Variants in GABRA3 observed in about 807,000 individuals in gnomAD.
GABRA3 encodes gamma-aminobutyric acid receptor subunit alpha-3.
Under a neutral mutation model 30.1 loss-of-function variants are expected in GABRA3, and 10 were observed. That is an observed-to-expected ratio of 0.33 (90% CI 0.20 to 0.56). The LOEUF is 0.56. Among genes scored for constraint, GABRA3 ranks in the 20% least tolerant of loss-of-function variants. GABRA3 has a pLI of 0.89. For synonymous variants in GABRA3, 151 were observed against 146.8 expected, an observed-to-expected ratio of 1.03 and a Z score of -0.21; for missense variants, 233 against 392.0, an observed-to-expected ratio of 0.59 and a Z score of 3.42.
At chrX:152,312,860 A>G (rs769706894) in intron 3 of GABRA3, among the ~76,000 whole-genome samples, 2 of 111,963 alleles carry the variant, frequency 1.8e-5, no homozygotes, top group Admixed American at 9.5e-5. Flanking sequence ...CATACATGCA[A>G]CCAACAGGCA....
chrX:152,223,121 G>A (rs999425606), intron 6 of GABRA3, among the ~76,000 whole-genome samples: 1 of 111,648 alleles, frequency 9.0e-6, no homozygotes. Flanking sequence ...TCCAAGGCCA[G>A]AACTGGCAAA....
At chrX:152,281,788 A>T (rs1206602419) in intron 4 of GABRA3, among the ~76,000 whole-genome samples, 1 of 112,110 alleles carries the variant, frequency 8.9e-6, no homozygotes, top group Non-Finnish European at 1.9e-5. Flanking sequence ...ATCTCAACAA[A>T]CACATACAGA....
intron 9 of GABRA3, among the ~76,000 whole-genome samples, chrX:152,176,915 A>C (rs1937082100): frequency 9.0e-6 from 1 of 111,624 alleles, no homozygotes; most frequent in Admixed American, 9.6e-5. Flanking sequence ...TGCAGATCTG[A>C]CTGAGCTGCC....
intron 9 of GABRA3, among the ~76,000 whole-genome samples, chrX:152,170,202 G>A (rs1936985948): frequency 1.8e-5 from 2 of 112,629 alleles, no homozygotes; most frequent in African/African-American, 6.5e-5. Context: ...TCAAAGGAGG[G>A]ACAAAGTACC....
At chrX:152,247,306 C>T (rs1004590892) in intron 5 of GABRA3, among the ~76,000 whole-genome samples, 6 of 111,525 alleles carry the variant, frequency 5.4e-5, no homozygotes, top group African/African-American at 2.0e-4. Context: ...ACATTTTGTG[C>T]AATGTATTCA....
At chrX:152,409,185 T>A (rs1435295486) in intron 1 of GABRA3, among the ~76,000 whole-genome samples, 1 of 110,674 alleles carries the variant, frequency 9.0e-6, no homozygotes, top group African/African-American at 3.3e-5. Flanking sequence ...AGACCCAATC[T>A]CTACAAAAAA....
chrX:152,377,281 A>G (rs960711992), intron 1 of GABRA3, among the ~76,000 whole-genome samples: 2 of 111,682 alleles, frequency 1.8e-5, no homozygotes, highest in Non-Finnish European at 3.8e-5. Flanking sequence ...AACAACTCAT[A>G]AAACCTTCTG....
Position 152,189,775 on chromosome X carries a change from A to G in GABRA3, c.1098T>C (p.Ser366=). 8.3e-7 allele frequency: 1 copy of G among 1,208,856 alleles called. No homozygotes were observed. The highest frequency in any genetic ancestry group is 1.1e-6 in the Non-Finnish European group (1 of 894,398). ...GCACCTTCTTGCCTTCCCAAGCCCA[A>G]CTCCGCTTGGTGAAATAGTTGACAG... ...FATVNYFTKR[S]WAWEGKKVPE... Residue 366 remains serine (S), a synonymous_variant, in exon 9 of 10, where the codon AGT becomes AGC. Transcript: ENST00000370314.
chrX:152,183,179 C>T (rs1172086352), intron 9 of GABRA3, among the ~76,000 whole-genome samples: 1 of 110,008 alleles, frequency 9.1e-6, no homozygotes, highest in Non-Finnish European at 1.9e-5. Context: ...ACAGTGAAGA[C>T]ATCAGGTCCT....
intron 3 of GABRA3, among the ~76,000 whole-genome samples, chrX:152,344,968 TTATAA>T (rs1028966377): frequency 7.1e-5 from 8 of 111,967 alleles, no homozygotes; most frequent in African/African-American, 1.6e-4. Context: ...CCGTGATATA[TTATAA>T]TATATTTACC....
chrX:152,354,638 G>C (rs928021888), intron 2 of GABRA3, among the ~76,000 whole-genome samples: 1 of 111,402 alleles, frequency 9.0e-6, no homozygotes, highest in Non-Finnish European at 1.9e-5. Flanking sequence ...AATGTTACAG[G>C]GCCCTATAAC....
chrX:152,294,273 T>G (rs1421842799), intron 3 of GABRA3, among the ~76,000 whole-genome samples: 2 of 111,666 alleles, frequency 1.8e-5, no homozygotes, highest in Non-Finnish European at 3.8e-5. Flanking sequence ...CAATCAGACG[T>G]AGATTTGGTC....
intron 3 of GABRA3, among the ~76,000 whole-genome samples, chrX:152,336,413 C>T (rs1940235698): frequency 8.9e-6 from 1 of 111,980 alleles, no homozygotes; most frequent in Admixed American, 9.5e-5. Context: ...AAAATAAAAT[C>T]CTTTTGGCAG....
At chrX:152,326,692 C>A (rs1015436217) in intron 3 of GABRA3, among the ~76,000 whole-genome samples, 1 of 111,597 alleles carries the variant, frequency 9.0e-6, no homozygotes, top group Non-Finnish European at 1.9e-5. Flanking sequence ...CCTAAAAGAG[C>A]TCCTGAAGGA....
chrX:152,185,348 T>C lies in GABRA3; in HGVS notation c.1143+4382A>G, dbSNP rs956307229. Among the ~76,000 whole-genome samples, 3 of 111,666 alleles carry C rather than the reference T, an allele frequency of 2.7e-5. No individual in the cohort carries two copies. The Admixed American group carries it at 2.9e-4, about 11-fold the overall frequency. Reference sequence around the variant, plus strand: ...GACTAAAGAGGAAGACTGAGATCACTATCTTTGCAAAATAGTTTTATAATA... The same window carrying C: ...GACTAAAGAGGAAGACTGAGATCACCATCTTTGCAAAATAGTTTTATAATA... On this transcript the variant is annotated intron_variant, in intron 9 of 9. Transcript: ENST00000370314.
At chrX:152,240,543 C>T (rs1315842979) in intron 5 of GABRA3, among the ~76,000 whole-genome samples, 1 of 89,261 alleles carries the variant, frequency 1.1e-5, no homozygotes, top group African/African-American at 5.0e-5. Flanking sequence ...CGTTGGCCTG[C>T]CTTGCTAGAT....
chrX:152,442,128 A>G (rs763620103), intron 1 of GABRA3, among the ~76,000 whole-genome samples: 1 of 111,901 alleles, frequency 8.9e-6, no homozygotes, highest in South Asian at 3.7e-4. Flanking sequence ...CAGTAAGAAG[A>G]AGCAACTGAA....
chrX:152,391,459 G>A (rs1048764515), intron 1 of GABRA3, among the ~76,000 whole-genome samples: 3 of 111,142 alleles, frequency 2.7e-5, no homozygotes, highest in Middle Eastern at 4.6e-3. Flanking sequence ...GCCACAATAC[G>A]GGAAAGAATT....
At chrX:152,434,667 T>C (rs1372376934) in intron 1 of GABRA3, among the ~76,000 whole-genome samples, 1 of 111,861 alleles carries the variant, frequency 8.9e-6, no homozygotes, top group Non-Finnish European at 1.9e-5. Flanking sequence ...AGCCGAGATA[T>C]ATATAACAAG....
Sources: allele counts gnomAD v4.1 joint callset (sites outside exome capture counted in the v4.1 genomes callset), GRCh38; gene constraint gnomAD v4.1.1; transcripts MANE v1.5; gene names NCBI Gene and HGNC (gene_info 2026-07-23, HGNC 2026-07-21).